Variants in SLC25A26 observed in about 807,000 individuals in gnomAD.
The protein encoded by SLC25A26 is mitochondrial S-adenosylmethionine carrier protein.
In SLC25A26, 36 loss-of-function variants were observed where a neutral mutation model predicts 37.8. The ratio of observed to expected loss-of-function variants is 0.95; its 90% CI spans 0.73 to 1.26. SLC25A26 has a LOEUF of 1.26. Among genes scored for constraint, SLC25A26 ranks in the 50% most tolerant of loss-of-function variants. The pLI is 0.00. For missense variants in SLC25A26, 390 were observed against 331.1 expected, an observed-to-expected ratio of 1.18 and a Z score of -1.38; for synonymous variants, 129 against 122.5, an observed-to-expected ratio of 1.05 and a Z score of -0.35.
chr3:66,304,179 C>T (rs978650238), intron 5 of SLC25A26, among the ~76,000 whole-genome samples: 27 of 152,154 alleles, frequency 1.8e-4, no homozygotes, highest in African/African-American at 6.3e-4. Flanking sequence ...TCTGCAGAAT[C>T]CATTCATATT....
intron 1 of SLC25A26, among the ~76,000 whole-genome samples, chr3:66,155,200 A>T (rs2070264657): frequency 6.6e-6 from 1 of 152,226 alleles, no homozygotes; most frequent in Non-Finnish European, 1.5e-5. Flanking sequence ...ATACTTGCTA[A>T]ATTAACAAAT....
rs137981461 is a variant in SLC25A26 at position 66,230,102 on chromosome 3, T to C, written c.34-6442T>C. 6.4e-3 allele frequency among the ~76,000 whole-genome samples: 975 copies of C among 152,338 alleles called. 13 individuals carry two copies. Among genetic ancestry groups the C allele is most frequent in the African/African-American group, 0.023 (939 of 41,564 alleles). On this transcript the variant is annotated intron_variant, in intron 1 of 9. Transcript: ENST00000354883. The stretch of plus-strand genomic sequence containing the variant: ...ATTTTTTCTGAACATTTCCTCTTTT[T>C]ACAAAGTGTTATCTCATCATCCCAC...
At chr3:66,166,502 T>C (rs976768693) in intron 1 of SLC25A26, among the ~76,000 whole-genome samples, 12 of 152,350 alleles carry the variant, frequency 7.9e-5, no homozygotes, top group Non-Finnish European at 1.8e-4. Flanking sequence ...TTTAATTCAT[T>C]GTGTTACTGT....
intron 1 of SLC25A26, among the ~76,000 whole-genome samples, chr3:66,162,544 A>G (rs766875517): frequency 6.6e-6 from 1 of 152,084 alleles, no homozygotes; most frequent in Non-Finnish European, 1.5e-5. Flanking sequence ...TAGAGTCTAG[A>G]TGTGATGTAG....
intron 1 of SLC25A26, among the ~76,000 whole-genome samples, chr3:66,230,143 C>A (rs1325224671): frequency 6.7e-6 from 1 of 149,828 alleles, no homozygotes; most frequent in Non-Finnish European, 1.5e-5. Context: ...TATTTTAGCA[C>A]CCCTGCTATA....
intron 3 of SLC25A26, among the ~76,000 whole-genome samples, chr3:66,249,664 G>T (rs1047587821): frequency 6.6e-6 from 1 of 152,138 alleles, no homozygotes; most frequent in East Asian, 1.9e-4. Flanking sequence ...AATATTCATC[G>T]ATCAATACAG....
At chr3:66,333,855 A>C (rs1292838907) in intron 5 of SLC25A26, among the ~76,000 whole-genome samples, 1 of 152,144 alleles carries the variant, frequency 6.6e-6, no homozygotes, top group Non-Finnish European at 1.5e-5. Flanking sequence ...AACAAAAAAC[A>C]CACACTCCAG....
At chr3:66,184,013 C>T (rs1233071999) in intron 1 of SLC25A26, among the ~76,000 whole-genome samples, 5 of 152,104 alleles carry the variant, frequency 3.3e-5, no homozygotes, top group Non-Finnish European at 7.4e-5. Context: ...TACCCTTTCA[C>T]ACTCACCTTG....
intron 5 of SLC25A26, among the ~76,000 whole-genome samples, chr3:66,320,675 G>A (rs1402984104): frequency 6.6e-6 from 1 of 152,178 alleles, no homozygotes; most frequent in Non-Finnish European, 1.5e-5. Flanking sequence ...GTTTTCCACA[G>A]TGGCTGCACC....
chr3:66,156,739 G>C (rs2070287830), intron 1 of SLC25A26, among the ~76,000 whole-genome samples: 1 of 152,076 alleles, frequency 6.6e-6, no homozygotes, highest in Non-Finnish European at 1.5e-5. Flanking sequence ...GAGTGGCTCA[G>C]AACATGCCAC....
intron 5 of SLC25A26, among the ~76,000 whole-genome samples, chr3:66,296,132 A>G (rs557939297): frequency 3.3e-5 from 5 of 152,218 alleles, no homozygotes; most frequent in Admixed American, 3.3e-4. Context: ...ATAAAAAAAA[A>G]ATTTCTTAAA....
intron 5 of SLC25A26, among the ~76,000 whole-genome samples, chr3:66,278,414 G>C (rs1270236078): frequency 6.6e-6 from 1 of 151,970 alleles, no homozygotes; most frequent in Non-Finnish European, 1.5e-5. Context: ...CTCCATTCTG[G>C]TTCCACTCTC....
intron 1 of SLC25A26, among the ~76,000 whole-genome samples, chr3:66,209,038 G>GTGTA (rs1383438434): frequency 0.33 from 6,425 of 19,568 alleles, 1,085 homozygotes; most frequent in Middle Eastern, 0.62. Flanking sequence ...CCATATAAAG[G>GTGTA]TGTATATATA....
intron 1 of SLC25A26, among the ~76,000 whole-genome samples, chr3:66,205,471 T>G (rs980166373): frequency 1.3e-5 from 2 of 152,150 alleles, no homozygotes; most frequent in African/African-American, 4.8e-5. Flanking sequence ...ATTTGAGATA[T>G]GGAGGGAGAT....
intron 5 of SLC25A26, among the ~76,000 whole-genome samples, chr3:66,324,797 G>GA (rs576337604): frequency 4.1e-5 from 6 of 147,204 alleles, no homozygotes; most frequent in Non-Finnish European, 9.0e-5. Flanking sequence ...GTAAGCACAG[G>GA]TTTTTTTTTT....
chr3:66,300,256 G>T (rs56290588), intron 5 of SLC25A26, among the ~76,000 whole-genome samples: 31,400 of 114,498 alleles, frequency 0.27, 4,119 homozygotes, highest in Non-Finnish European at 0.37. Flanking sequence ...TTTTTGTTTT[G>T]TTTTTTTTTT....
Position 66,375,431 on chromosome 3 carries a change from C to T in SLC25A26, c.708-2259C>T, listed in dbSNP as rs148722379. Among the ~76,000 whole-genome samples, 698 of 152,326 alleles carry T rather than the reference C, an allele frequency of 4.6e-3. 6 individuals are homozygous for T. Among genetic ancestry groups the T allele is most frequent in the African/African-American group, 0.016 (671 of 41,580 alleles). On this transcript the variant is annotated intron_variant, in intron 9 of 9. Transcript: ENST00000354883. ...AAGATGCCATCTAGGACTTTCCTAG[C>T]TAGAGAGGAGACATCAATGCCTGGC...
intron 7 of SLC25A26, among the ~76,000 whole-genome samples, chr3:66,366,161 A>G (rs1295540202): frequency 6.6e-6 from 1 of 152,198 alleles, no homozygotes; most frequent in Admixed American, 6.5e-5. Flanking sequence ...TCCAGTGGAG[A>G]CCATAGAAAA....
intron 1 of SLC25A26, among the ~76,000 whole-genome samples, chr3:66,193,403 G>T (rs2070982807): frequency 6.6e-6 from 1 of 152,060 alleles, no homozygotes. Context: ...ACTATCATCA[G>T]AGATTCCCTT....
Sources: allele counts gnomAD v4.1 joint callset (sites outside exome capture counted in the v4.1 genomes callset), GRCh38; gene constraint gnomAD v4.1.1; transcripts MANE v1.5; gene names NCBI Gene and HGNC (gene_info 2026-07-23, HGNC 2026-07-21).